Variants in GABRG3 observed in about 807,000 individuals in gnomAD.
The protein encoded by GABRG3 is gamma-aminobutyric acid receptor subunit gamma-3.
Under a neutral mutation model 48.8 loss-of-function variants are expected in GABRG3, and 25 were observed. That is an observed-to-expected ratio of 0.51 (90% CI 0.37 to 0.72). GABRG3 has a LOEUF of 0.72. GABRG3 is among the 30% of genes least tolerant of loss of function. The pLI is 0.00. For synonymous variants in GABRG3, 227 were observed against 217.6 expected, an observed-to-expected ratio of 1.04 and a Z score of -0.38; for missense variants, 394 against 577.9, an observed-to-expected ratio of 0.68 and a Z score of 3.26.
At chr15:27,072,163 C>T (rs1896839220) in intron 3 of GABRG3, among the ~76,000 whole-genome samples, 1 of 152,192 alleles carries the variant, frequency 6.6e-6, no homozygotes, top group African/African-American at 2.4e-5. Context: ...TGAAGGCTGC[C>T]AGCTCTCCTT....
intron 3 of GABRG3, among the ~76,000 whole-genome samples, chr15:27,219,332 G>C (rs1224046959): frequency 1.3e-5 from 2 of 152,202 alleles, no homozygotes; most frequent in East Asian, 3.9e-4. Flanking sequence ...CTCCAAGGTA[G>C]GCAGAGTCCA....
At chr15:27,343,664 T>G (rs568556223) in intron 5 of GABRG3, among the ~76,000 whole-genome samples, 7 of 152,222 alleles carry the variant, frequency 4.6e-5, no homozygotes, top group Admixed American at 2.0e-4. Flanking sequence ...AAATGCAATT[T>G]AACTAAGTGG....
intron 3 of GABRG3, among the ~76,000 whole-genome samples, chr15:27,097,499 TTC>T (rs1897284802): frequency 6.6e-6 from 1 of 152,160 alleles, no homozygotes; most frequent in Non-Finnish European, 1.5e-5. Flanking sequence ...TCCTTTGTTT[TTC>T]TCTTTCTCTT....
In GABRG3 at chr15:27,089,812, G is replaced by A. The variant is rs573425721; in HGVS notation, c.270+62991G>A. Among the ~76,000 whole-genome samples, 26 of 152,334 alleles carry A rather than the reference G, an allele frequency of 1.7e-4. No homozygotes were observed. The South Asian group carries it at 5.2e-3, about 30-fold the overall frequency. The stretch of plus-strand genomic sequence containing the variant: ...ATATGCCATGTGGCCTCCCTCTTGT[G>A]ACTGGCTTCTTTCACTCAGCATCAT... On this transcript the variant is annotated intron_variant, in intron 3 of 9. Transcript: ENST00000615808.
chr15:27,286,611 G>A (rs1891621133), intron 3 of GABRG3, among the ~76,000 whole-genome samples: 1 of 152,084 alleles, frequency 6.6e-6, no homozygotes, highest in African/African-American at 2.4e-5. Context: ...CATAGAAATG[G>A]TACAATTTGT....
chr15:27,259,302 T>G (rs1278753662), intron 3 of GABRG3, among the ~76,000 whole-genome samples: 2 of 152,184 alleles, frequency 1.3e-5, no homozygotes, highest in African/African-American at 4.8e-5. Flanking sequence ...AGGCTTTAGC[T>G]TCCTGACATC....
chr15:27,476,611 T>G (rs1308874101), intron 5 of GABRG3, among the ~76,000 whole-genome samples: 1 of 151,888 alleles, frequency 6.6e-6, no homozygotes, highest in African/African-American at 2.4e-5. Context: ...CATAGACCAA[T>G]GGAGATTATC....
intron 5 of GABRG3, among the ~76,000 whole-genome samples, chr15:27,429,520 G>T (rs1254560338): frequency 6.6e-6 from 1 of 152,164 alleles, no homozygotes; most frequent in African/African-American, 2.4e-5. Context: ...TGTCACCACT[G>T]TCTAACTTTA....
At chr15:27,462,287 G>C (rs1595770292) in intron 5 of GABRG3, among the ~76,000 whole-genome samples, 1 of 152,182 alleles carries the variant, frequency 6.6e-6, no homozygotes, top group African/African-American at 2.4e-5. Flanking sequence ...GCCCAGGAGA[G>C]CAGGGACCTT....
At position 26,975,027 on chromosome 15, in the gene GABRG3, C is replaced by T. The variant is rs1041295033; in HGVS notation, c.54-1975C>T. Among the ~76,000 whole-genome samples the T allele has an allele frequency of 1.3e-5, 2 of 151,808 alleles. No individual in the cohort carries two copies. Among genetic ancestry groups the T allele is most frequent in the East Asian group, 1.9e-4 (1 of 5,164 alleles). On this transcript the variant is annotated intron_variant, in intron 1 of 9. Transcript: ENST00000615808. The surrounding 1 kb of genome is among the most constrained non-coding windows in gnomAD (Gnocchi z 4.6). ...TAGCCAGGACTACAGGCATGTGCCA[C>T]CATGCCCCGCTAATTTTTTTTGTAT...
At chr15:27,426,487 G>A (rs528443611) in intron 5 of GABRG3, among the ~76,000 whole-genome samples, 11 of 152,152 alleles carry the variant, frequency 7.2e-5, no homozygotes, top group Middle Eastern at 3.4e-3. Context: ...CGAAACACAC[G>A]TGCCAAATTA....
intron 6 of GABRG3, among the ~76,000 whole-genome samples, chr15:27,496,490 C>T (rs370331369): frequency 3.3e-5 from 5 of 152,298 alleles, no homozygotes; most frequent in African/African-American, 1.2e-4. Context: ...GCTTTTTCAG[C>T]CCCTATTCTG....
At chr15:27,240,297 G>C (rs1208643309) in intron 3 of GABRG3, among the ~76,000 whole-genome samples, 2 of 152,186 alleles carry the variant, frequency 1.3e-5, no homozygotes, top group African/African-American at 4.8e-5. Context: ...GGGTACACAC[G>C]TGAGCGCTCA....
chr15:27,135,113 A>C (rs747268853), intron 3 of GABRG3, among the ~76,000 whole-genome samples: 1 of 152,186 alleles, frequency 6.6e-6, no homozygotes, highest in Non-Finnish European at 1.5e-5. Context: ...TATACTGATG[A>C]GCAAACATGT....
chr15:27,136,365 A>AT (rs991396249), intron 3 of GABRG3, among the ~76,000 whole-genome samples: 2 of 152,256 alleles, frequency 1.3e-5, no homozygotes, highest in Non-Finnish European at 2.9e-5. Flanking sequence ...TTTTCAAGAG[A>AT]TTTTTTTGAC....
At chr15:27,465,977 T>C (rs892148497) in intron 5 of GABRG3, among the ~76,000 whole-genome samples, 5 of 152,208 alleles carry the variant, frequency 3.3e-5, no homozygotes, top group Admixed American at 2.0e-4. Context: ...CACCCTGTTG[T>C]ATTTTAAAAA....
At chr15:27,099,584 G>T (rs1366376062) in intron 3 of GABRG3, among the ~76,000 whole-genome samples, 1 of 152,082 alleles carries the variant, frequency 6.6e-6, no homozygotes, top group Non-Finnish European at 1.5e-5. Context: ...AAGTGCTGGG[G>T]CCTAGGACTT....
At chr15:27,043,579 C>G (rs1192273189) in intron 3 of GABRG3, among the ~76,000 whole-genome samples, 2 of 152,212 alleles carry the variant, frequency 1.3e-5, no homozygotes, top group African/African-American at 4.8e-5. Context: ...CTTCTGCTTC[C>G]TTCCGCCCTT....
At chr15:27,481,922 C>T (rs1307542518) in intron 6 of GABRG3, among the ~76,000 whole-genome samples, 1 of 152,126 alleles carries the variant, frequency 6.6e-6, no homozygotes, top group African/African-American at 2.4e-5. Flanking sequence ...ACCAGCAGAC[C>T]TTTGGGGTCT....
Sources: allele counts gnomAD v4.1 joint callset (sites outside exome capture counted in the v4.1 genomes callset), GRCh38; gene constraint gnomAD v4.1.1; non-coding constraint Gnocchi (gnomAD v3.1); transcripts MANE v1.5; gene names NCBI Gene and HGNC (gene_info 2026-07-23, HGNC 2026-07-21).